NRG1: variants seen among roughly 807,000 people sequenced by gnomAD.
The protein encoded by NRG1 is neuregulin 1.
A neutral mutation model predicts 63.8 loss-of-function variants in NRG1; 18 were observed. That is an observed-to-expected ratio of 0.28 (90% CI 0.19 to 0.42). The LOEUF is 0.42. Ranked by LOEUF, NRG1 falls within the 10% of genes least tolerant of loss-of-function variation. The pLI, the probability that NRG1 is intolerant of heterozygous loss-of-function variation, is 1.00. For synonymous variants in NRG1, 302 were observed against 301.3 expected (o/e 1.00, Z -0.02); for missense variants, 762 against 814.7 (o/e 0.94, Z 0.79).
chr8:32,670,828 C>G (rs1207208076), intron 5 of NRG1, among the ~76,000 whole-genome samples: 3 of 152,084 alleles, frequency 2.0e-5, no homozygotes, highest in Non-Finnish European at 4.4e-5. Context: ...CATGGGTAAG[C>G]AAGGTGATGG....
intron 1 of NRG1, among the ~76,000 whole-genome samples, chr8:32,084,506 C>T (rs1223405898): frequency 6.6e-6 from 1 of 152,056 alleles, no homozygotes; most frequent in Non-Finnish European, 1.5e-5. Context: ...TGCATATCTT[C>T]CCATGGTTTA....
chr8:32,635,582 C>G (rs1851185756), intron 5 of NRG1, among the ~76,000 whole-genome samples: 1 of 151,878 alleles, frequency 6.6e-6, no homozygotes, highest in Admixed American at 6.6e-5. Context: ...TATACTCATT[C>G]AACACATTTT....
chr8:32,614,478 T>A, intron 3 of NRG1, 36 bp from the exon 4 acceptor site: 1 of 1,607,840 alleles, frequency 6.2e-7, no homozygotes, highest in Non-Finnish European at 8.5e-7. Context: ...GCCTCCTGTT[T>A]ATATATCATA....
intron 1 of NRG1, among the ~76,000 whole-genome samples, chr8:31,878,973 C>G (rs1022594135): frequency 6.6e-6 from 1 of 151,944 alleles, no homozygotes; most frequent in East Asian, 1.9e-4. Flanking sequence ...GCACTCCAGC[C>G]TGGGCGACAG....
chr8:32,069,398 A>G (rs1825402090), intron 1 of NRG1, among the ~76,000 whole-genome samples: 1 of 152,190 alleles, frequency 6.6e-6, no homozygotes, highest in Admixed American at 6.5e-5. Flanking sequence ...TCAGCTTGAG[A>G]CACAGTCTTA....
chr8:32,516,086 A>G (rs139164547), intron 1 of NRG1, among the ~76,000 whole-genome samples: 64 of 152,264 alleles, frequency 4.2e-4, no homozygotes, highest in Admixed American at 5.9e-4. Flanking sequence ...ATTTTTGTAT[A>G]TGGTGAAAGG....
intron 1 of NRG1, among the ~76,000 whole-genome samples, chr8:32,080,823 GAA>G (rs1827361516): frequency 6.7e-6 from 1 of 148,628 alleles, no homozygotes; most frequent in African/African-American, 2.6e-5. Flanking sequence ...GAGACAGACA[GAA>G]AGAGAGTGCT....
chr8:32,601,584 T>G (rs1163631368), intron 2 of NRG1, among the ~76,000 whole-genome samples: 2 of 152,126 alleles, frequency 1.3e-5, no homozygotes, highest in Non-Finnish European at 1.5e-5. Flanking sequence ...ATCCTGGAAA[T>G]ATATTTAAAT....
chr8:31,846,903 G>A (rs1586780104), intron 1 of NRG1, among the ~76,000 whole-genome samples: 1 of 152,276 alleles, frequency 6.6e-6, no homozygotes, highest in East Asian at 1.9e-4. Flanking sequence ...TCAGTGTCAA[G>A]CACTATAGGT....
intron 1 of NRG1, among the ~76,000 whole-genome samples, chr8:31,651,862 A>G (rs1457504070): frequency 1.3e-5 from 2 of 152,094 alleles, no homozygotes; most frequent in Non-Finnish European, 2.9e-5. Flanking sequence ...CTGCTTATAA[A>G]TTATGTTTCC....
intron 1 of NRG1, among the ~76,000 whole-genome samples, chr8:31,835,860 A>T (rs1175773125): frequency 6.6e-6 from 1 of 152,198 alleles, no homozygotes; most frequent in Admixed American, 6.5e-5. Context: ...GATGATGGAA[A>T]TGTTCAATGT....
chr8:32,491,890 TC>T (rs1422392395), intron 1 of NRG1, among the ~76,000 whole-genome samples: 1 of 152,096 alleles, frequency 6.6e-6, no homozygotes, highest in African/African-American at 2.4e-5. Context: ...GGGGTATCAT[TC>T]CCCCTTATAT....
chr8:32,679,400 CATG>C (rs1260306757), intron 5 of NRG1, among the ~76,000 whole-genome samples: 1 of 152,088 alleles, frequency 6.6e-6, no homozygotes, highest in Non-Finnish European at 1.5e-5. Context: ...AATTGAAAAT[CATG>C]ATAATAGAAG....
intron 1 of NRG1, among the ~76,000 whole-genome samples, chr8:32,435,411 T>G (rs1179748649): frequency 6.6e-6 from 1 of 152,174 alleles, no homozygotes; most frequent in African/African-American, 2.4e-5. Flanking sequence ...GTCAATGAAT[T>G]AGAGGCTTTG....
intron 5 of NRG1, chr8:32,647,547 G>A (rs1250333412): frequency 1.0e-6 from 1 of 985,246 alleles, no homozygotes; most frequent in Non-Finnish European, 1.2e-6. Context: ...GTTGCTAGGA[G>A]CTTTTCTTCC....
intron 1 of NRG1, among the ~76,000 whole-genome samples, chr8:32,180,881 C>G (rs2132101937): frequency 6.6e-6 from 1 of 152,178 alleles, no homozygotes; most frequent in Admixed American, 6.5e-5. Context: ...GTTGTGTGCC[C>G]TTTCACCAAC....
chr8:32,510,179 A>T (rs926607554), intron 1 of NRG1, among the ~76,000 whole-genome samples: 6 of 151,444 alleles, frequency 4.0e-5, no homozygotes, highest in Non-Finnish European at 8.8e-5. Flanking sequence ...GACAGAAAGA[A>T]AAAAGAAAGA....
At chr8:32,725,947 C>G (rs917944632) in intron 5 of NRG1, among the ~76,000 whole-genome samples, 2 of 152,002 alleles carry the variant, frequency 1.3e-5, no homozygotes, top group Non-Finnish European at 2.9e-5. Context: ...ATCATGTTTC[C>G]CCTCTTCTTA....
chr8:32,728,170 A>G (rs1822727025), intron 6 of NRG1, 92 bp downstream of exon 6: 2 of 1,559,902 alleles, frequency 1.3e-6, no homozygotes, highest in Admixed American at 1.9e-5. Flanking sequence ...TTTTTTTCCA[A>G]TTTTGTTGCA....
Sources: allele counts gnomAD v4.1 joint callset (sites outside exome capture counted in the v4.1 genomes callset), GRCh38; gene constraint gnomAD v4.1.1; transcripts MANE v1.5; gene names NCBI Gene and HGNC (gene_info 2026-07-23, HGNC 2026-07-21).